Variants in MICAL1 observed in about 807,000 individuals in gnomAD.
The protein encoded by MICAL1 is microtubule associated monooxygenase, calponin and LIM domain containing 1, also known as [F-actin]-monooxygenase MICAL1.
A neutral mutation model predicts 131.8 loss-of-function variants in MICAL1; 95 were observed. The observed-to-expected ratio is 0.72, with a 90% CI of 0.61 to 0.86. The LOEUF (loss-of-function observed/expected upper bound fraction) is 0.86, where lower values mean the gene tolerates loss of function less well. Ranked by LOEUF, MICAL1 falls within the 40% of genes least tolerant of loss-of-function variation. The pLI is 0.00. For synonymous variants in MICAL1, 546 were observed against 554.2 expected, an observed-to-expected ratio of 0.99 and a Z score of 0.21; for missense variants, 1,292 against 1,380.6, an observed-to-expected ratio of 0.94 and a Z score of 1.02.
intron 17 of MICAL1, 95 bp downstream of exon 17, chr6:109,446,978 C>G: frequency 6.8e-7 from 1 of 1,474,448 alleles, no homozygotes; most frequent in Non-Finnish European, 9.2e-7. Flanking sequence ...CCATCTTGAG[C>G]CTGTTTCCAT....
Position 109,449,386 on chromosome 6 carries a change from G to A in MICAL1, c.1516+14C>T. The A allele has an allele frequency of 1.9e-6, 3 of 1,614,188 alleles. No homozygotes were observed. Among genetic ancestry groups the A allele is most frequent in the Non-Finnish European group, 2.5e-6 (3 of 1,180,006 alleles). On this transcript the variant is annotated intron_variant, in intron 11 of 24. Coordinates refer to ENST00000358807, the MANE Select transcript of MICAL1 (RefSeq NM_022765.4). ...ACATATTTTGGTCACCCCTTGGGAG[G>A]AAGGCCTGCTCACCGGTGGCTGGCA...
chr6:109,447,156 T>G lies in MICAL1; in HGVS notation c.2144A>C (p.His715Pro). The G allele has an allele frequency of 1.9e-6, 3 of 1,614,080 alleles. No individual in the cohort carries two copies. Among genetic ancestry groups the G allele is most frequent in the Non-Finnish European group, 2.5e-6 (3 of 1,180,002 alleles). ...GCGGAAGCAGCTCCGGTGGAAGAAA[T>G]GGCCGTTGACACAGAGGCGTTCCAG... ...YVLERLCVNG[H>P]FFHRSCFRCH... Residue 715 changes from histidine to proline, a missense_variant, in exon 17 of 25, where the codon CAT becomes CCT. Coordinates refer to ENST00000358807, the MANE Select transcript of MICAL1 (RefSeq NM_022765.4).
chr6:109,465,760 T>C, exon 1 of MICAL1: 1 of 1,613,068 alleles, frequency 6.2e-7, no homozygotes, highest in Non-Finnish European at 8.5e-7. Flanking sequence ...TGCAAGTCAA[T>C]GGTGTGGAGA....
intron 1 of MICAL1, chr6:109,465,426 G>A (rs911116965): frequency 5.5e-6 from 3 of 549,682 alleles, no homozygotes; most frequent in Non-Finnish European, 9.6e-6. Flanking sequence ...AGAAAAATAA[G>A]AAAATAGAAC....
chr6:109,455,628 C>T lies in MICAL1; in HGVS notation c.-44+91G>A. Reference sequence around the variant, plus strand: ...TGCCTGACCTGCCAGGCGTGGTTCCCGAGCGACCGCAGCTGCGTTTCCCCG... The same window carrying T: ...TGCCTGACCTGCCAGGCGTGGTTCCTGAGCGACCGCAGCTGCGTTTCCCCG... On this transcript the variant is annotated intron_variant, in intron 1 of 24. Coordinates refer to ENST00000358807, the MANE Select transcript of MICAL1 (RefSeq NM_022765.4). This position sits in a 1 kb window ranked among gnomAD's most constrained non-coding sequence, Gnocchi z 4.7. 1 of 879,716 alleles carries T rather than the reference C, an allele frequency of 1.1e-6. No homozygotes were observed. The highest frequency in any genetic ancestry group is 1.4e-6 in the Non-Finnish European group (1 of 732,974). The allele number at this position is 879,716 out of a possible 1,614,324, so 54.5% of individuals were successfully genotyped here. A position where few individuals can be genotyped will look rare whatever the true frequency, so the allele number is the denominator to read the frequency against.
At chr6:109,451,892 T>TA (rs1412897170) in intron 6 of MICAL1, 192 bp from the exon 7 acceptor site, 3 of 1,398,780 alleles carry the variant, frequency 2.1e-6, no homozygotes, top group Admixed American at 3.1e-5. Flanking sequence ...CCTGAGGACT[T>TA]AGAGCAAAGA....
rs1022982362 is a variant in MICAL1 at position 109,455,334 on chromosome 6, G to T, written c.-44+385C>A. Among the ~76,000 whole-genome samples the T allele has an allele frequency of 1.3e-5, 2 of 152,200 alleles. No homozygotes were observed. Among genetic ancestry groups the T allele is most frequent in the African/African-American group, 4.8e-5 (2 of 41,452 alleles). On this transcript the variant is annotated intron_variant, in intron 1 of 24. Coordinates refer to ENST00000358807, the MANE Select transcript of MICAL1 (RefSeq NM_022765.4). This position sits in a 1 kb window ranked among gnomAD's most constrained non-coding sequence, Gnocchi z 4.7. ...AGACAGGAGATGAAAGCCTCCCGCT[G>T]CGGGTGGCCCGGACGAGGGCAGACG...
At chr6:109,450,122 A>T (rs769495498) in intron 8 of MICAL1, 37 bp from the exon 9 acceptor site, 1 of 1,600,266 alleles carries the variant, frequency 6.2e-7, no homozygotes, top group Non-Finnish European at 8.5e-7. Context: ...GCTCAGGGAG[A>T]ATCCAACAGG....
intron 4 of MICAL1, among the ~76,000 whole-genome samples, chr6:109,452,894 C>T (rs1393845259): frequency 2.0e-5 from 3 of 152,108 alleles, no homozygotes; most frequent in Non-Finnish European, 4.4e-5. Flanking sequence ...TGGTGGGTCA[C>T]GCCTGTAATC....
chr6:109,451,802 T>C, intron 6 of MICAL1, 102 bp from the exon 7 acceptor site: 1 of 1,528,246 alleles, frequency 6.5e-7, no homozygotes, highest in Non-Finnish European at 8.8e-7. Context: ...GATCCCAGCT[T>C]AGGCTGCGGT....
chr6:109,465,922 G>A (rs764753566), exon 1 of MICAL1: 5 of 1,614,186 alleles, frequency 3.1e-6, no homozygotes, highest in Non-Finnish European at 3.4e-6. Context: ...CCAGGCTCCT[G>A]TGTCAGCTGC....
At position 109,453,815 on chromosome 6, in the gene MICAL1, G is replaced by A; in HGVS notation, c.289C>T (p.Leu97=). ...AGCGCCAGCTCCACAGCGACCCGCA[G>A]CCCGCAAGGTCCAGCACCCACCACC... is the stretch of plus-strand genomic sequence containing the variant. ...CLVVGAGPCG[L]RVAVELALLG... The change falls in exon 3 of 25, where the codon CTG becomes TTG. Residue 97 remains leucine, a synonymous_variant. Coordinates refer to ENST00000358807, the MANE Select transcript of MICAL1 (RefSeq NM_022765.4). 1 of 1,613,566 alleles carries A rather than the reference G, an allele frequency of 6.2e-7. No individual in the cohort carries two copies. The highest frequency in any genetic ancestry group is 1.3e-5 in the African/African-American group (1 of 75,072).
chr6:109,449,814 T>C, intron 9 of MICAL1, 31 bp from the exon 10 acceptor site: 3 of 1,595,396 alleles, frequency 1.9e-6, no homozygotes, highest in Non-Finnish European at 2.6e-6. Context: ...GGCAGGGGCA[T>C]GAATGGGAGG....
At chr6:109,459,847 T>C (rs1356582972), upstream of MICAL1, among the ~76,000 whole-genome samples, 3 of 152,212 alleles carry the variant, frequency 2.0e-5, no homozygotes, top group African/African-American at 7.2e-5. Flanking sequence ...ATTTTTAAAA[T>C]GTAGTTTTGT....
Position 109,453,773 on chromosome 6 carries a change from C to T in MICAL1, c.331G>A (p.Val111Met), listed in dbSNP as rs1409143022. The T allele has an allele frequency of 1.2e-6, 2 of 1,613,578 alleles. No homozygotes were observed. The highest frequency in any genetic ancestry group is 2.7e-5 in the African/African-American group (2 of 74,936). ...AACTTGGTGCGCTTTTCCACCAGCA[C>T]CACTCGGGCCCCCAGCAGCGCCAGC... ...VELALLGARVVLVEKRTKFSR... is the reference protein window; with the variant it reads ...VELALLGARVMLVEKRTKFSR... Residue 111 changes from valine (V) to methionine (M), a missense_variant, in exon 3 of 25, where the codon GTG (valine) becomes ATG (methionine). Coordinates refer to ENST00000358807, the MANE Select transcript of MICAL1 (RefSeq NM_022765.4).
At chr6:109,447,601 G>T in intron 15 of MICAL1, 80 bp downstream of exon 15, 1 of 1,601,318 alleles carries the variant, frequency 6.2e-7, no homozygotes, top group African/African-American at 1.3e-5. Context: ...CAAGACATGG[G>T]ATGAGAAATA....
chr6:109,448,454 G>A (rs994968119), intron 12 of MICAL1, 61 bp from the exon 13 acceptor site: 5 of 1,580,772 alleles, frequency 3.2e-6, no homozygotes, highest in African/African-American at 2.7e-5. Context: ...CTGAGGGGAG[G>A]AAGGGCAGCA....
At chr6:109,446,081 C>T (rs1775200608) in intron 19 of MICAL1, 55 bp downstream of exon 19, 5 of 1,516,510 alleles carry the variant, frequency 3.3e-6, no homozygotes, top group South Asian at 2.7e-5. Context: ...CTGCAGGAAG[C>T]CAGTGCTCCC....
In MICAL1 at chr6:109,444,945, C is replaced by G. The variant is rs375453363; in HGVS notation, c.2932G>C (p.Val978Leu). 1.1e-5 allele frequency: 18 copies of G among 1,614,010 alleles called. No individual in the cohort carries two copies. Among genetic ancestry groups the G allele is most frequent in the Admixed American group, 5.0e-5 (3 of 60,008 alleles). ...KLWVGQLLQL[V>L]DKKNSLVAEE... ...GCCACCAGGCTGTTTTTCTTGTCAACGAGCTGTAGCAGCTGTCCTACCCAT... is the reference window on the plus strand; with the variant it reads ...GCCACCAGGCTGTTTTTCTTGTCAAGGAGCTGTAGCAGCTGTCCTACCCAT... The change falls in exon 23 of 25, where the codon GTT becomes CTT. Residue 978 changes from valine (V) to leucine (L), a missense_variant. By Grantham distance (32) the Val-to-Leu change is conservative. Coordinates refer to ENST00000358807, the MANE Select transcript of MICAL1 (RefSeq NM_022765.4).
Sources: gnomAD v4.1 joint callset for allele counts (sites outside exome capture counted in the v4.1 genomes callset) on GRCh38, gnomAD v4.1.1 for gene constraint, Gnocchi (gnomAD v3.1) non-coding constraint, MANE v1.5 for transcripts, NCBI Gene and HGNC (gene_info 2026-07-23, HGNC 2026-07-21) for gene names.